DPP4: variants seen among roughly 807,000 people sequenced by gnomAD.
DPP4 encodes the protein ADCP-2.
A neutral mutation model predicts 122.4 loss-of-function variants in DPP4; 93 were observed. That is an observed-to-expected ratio of 0.76 (90% CI 0.64 to 0.90). The LOEUF is 0.90. Among genes scored for constraint, DPP4 ranks in the 40% least tolerant of loss-of-function variants. The probability of loss-of-function intolerance (pLI) is 0.00; values close to 1 mark genes in which losing one functional copy is unlikely to be tolerated. For synonymous variants in DPP4, 321 were observed against 302.9 expected, an observed-to-expected ratio of 1.06 and a Z score of -0.62; for missense variants, 914 against 907.3, an observed-to-expected ratio of 1.01 and a Z score of -0.09.
At chr2:162,068,441 T>C (rs1398903049) in intron 2 of DPP4, among the ~76,000 whole-genome samples, 1 of 152,210 alleles carries the variant, frequency 6.6e-6, no homozygotes, top group African/African-American at 2.4e-5. Flanking sequence ...CTTAACTTCT[T>C]TGATAGTCAT....
intron 2 of DPP4, among the ~76,000 whole-genome samples, chr2:162,050,867 T>G (rs1381616465): frequency 6.6e-6 from 1 of 152,252 alleles, no homozygotes; most frequent in Admixed American, 6.5e-5. Context: ...TCGTCTTCCT[T>G]GTCTACTTGC....
chr2:162,070,869 C>T (rs931522408), intron 2 of DPP4, among the ~76,000 whole-genome samples: 2 of 152,190 alleles, frequency 1.3e-5, no homozygotes, highest in African/African-American at 2.4e-5. Context: ...CAAGAAATTA[C>T]TAGAGTGGTA....
chr2:162,059,332 A>G (rs75623878), intron 2 of DPP4, among the ~76,000 whole-genome samples: 4,403 of 152,324 alleles, frequency 0.029, 115 homozygotes, highest in South Asian at 0.044. Context: ...TAATGGCCCA[A>G]ACTAATACGT....
At chr2:162,056,559 T>C (rs1684581538) in intron 2 of DPP4, among the ~76,000 whole-genome samples, 1 of 152,212 alleles carries the variant, frequency 6.6e-6, no homozygotes, top group South Asian at 2.1e-4. Context: ...CCATCTTGCC[T>C]CTAACCTCAC....
intron 8 of DPP4, among the ~76,000 whole-genome samples, chr2:162,037,768 G>T (rs1383471534): frequency 6.6e-6 from 1 of 152,012 alleles, no homozygotes; most frequent in Non-Finnish European, 1.5e-5. Flanking sequence ...AGTTTTATTA[G>T]TCACTTTTTC....
chr2:162,034,675 G>A (rs1262756350), intron 9 of DPP4, among the ~76,000 whole-genome samples: 3 of 152,090 alleles, frequency 2.0e-5, no homozygotes, highest in Non-Finnish European at 4.4e-5. Flanking sequence ...AAACCAAGAC[G>A]TGACACTATT....
At chr2:162,041,718 C>T (rs1683993732) in intron 5 of DPP4, among the ~76,000 whole-genome samples, 2 of 152,098 alleles carry the variant, frequency 1.3e-5, no homozygotes, top group Non-Finnish European at 2.9e-5. Flanking sequence ...GCATGACAAA[C>T]CACCATGGGT....
At chr2:162,042,896 A>G (rs1288408320) in intron 5 of DPP4, among the ~76,000 whole-genome samples, 1 of 152,162 alleles carries the variant, frequency 6.6e-6, no homozygotes, top group Non-Finnish European at 1.5e-5. Flanking sequence ...ACAGAGACTG[A>G]TTTGTGGGGT....
intron 3 of DPP4, 85 bp from the exon 4 acceptor site, chr2:162,047,091 C>G: frequency 1.4e-6 from 1 of 712,934 alleles, no homozygotes; most frequent in Non-Finnish European, 2.4e-6. Context: ...ACAGTTTAAG[C>G]TCACAAATAC....
intron 2 of DPP4, among the ~76,000 whole-genome samples, chr2:162,060,093 T>A (rs12618391): frequency 0.016 from 2,441 of 152,318 alleles, 29 homozygotes; most frequent in East Asian, 0.037. Context: ...CGCCAAAGCC[T>A]GTGGTTACAA....
intron 8 of DPP4, among the ~76,000 whole-genome samples, chr2:162,036,493 G>C (rs1374680129): frequency 6.6e-6 from 1 of 152,112 alleles, no homozygotes; most frequent in Non-Finnish European, 1.5e-5. Flanking sequence ...GCTTGAAGAG[G>C]ATCAGAAATT....
intron 10 of DPP4, among the ~76,000 whole-genome samples, chr2:162,028,903 T>A (rs192592250): frequency 2.8e-4 from 42 of 152,358 alleles, no homozygotes; most frequent in Admixed American, 2.5e-3. Context: ...CGGGATTCAA[T>A]TCAAGCTGTT....
chr2:162,004,585 G>GCACA (rs10647762), intron 23 of DPP4, among the ~76,000 whole-genome samples: 6,481 of 150,712 alleles, frequency 0.043, 195 homozygotes, highest in Non-Finnish European at 0.064. Flanking sequence ...ACAGCTCCCT[G>GCACA]CACACACACA....
intron 14 of DPP4, among the ~76,000 whole-genome samples, chr2:162,019,797 C>A (rs1405314274): frequency 6.6e-6 from 1 of 152,090 alleles, no homozygotes; most frequent in Non-Finnish European, 1.5e-5. Flanking sequence ...AAAATAACAC[C>A]CCCTTTTCTA....
chr2:162,044,477 C>T (rs28668403), intron 5 of DPP4, among the ~76,000 whole-genome samples: 15 of 148,540 alleles, frequency 1.0e-4, no homozygotes, highest in Non-Finnish European at 1.9e-4. Flanking sequence ...GGTGTGTGAG[C>T]GTTGGTGTGT....
At chr2:162,042,648 T>C (rs181938681) in intron 5 of DPP4, among the ~76,000 whole-genome samples, 3 of 151,512 alleles carry the variant, frequency 2.0e-5, no homozygotes, top group Admixed American at 2.0e-4. Flanking sequence ...AGAAAAGTAG[T>C]AGAAGATATA....
Position 162,011,944 on chromosome 2 carries a change from G to C in DPP4, c.1681C>G (p.Leu561Val). Reference sequence around the variant, plus strand: ...CTTGCAAGGTAAGTGGCCCAGTTCAGTCTGAAGACAGTGTCTGCTTTTTGA... The same window carrying C: ...CTTGCAAGGTAAGTGGCCCAGTTCACTCTGAAGACAGTGTCTGCTTTTTGA... The part of the protein sequence containing the change: ...CSQKADTVFR[L>V]NWATYLASTE... The change falls in exon 20 of 26, where the codon CTG (leucine) becomes GTG (valine). Residue 561 changes from leucine (L) to valine (V), a missense_variant. By Grantham distance (32) the Leu-to-Val change is conservative. Coordinates refer to ENST00000360534, the MANE Select transcript of DPP4 (RefSeq NM_001935.4). 1 of 1,613,680 alleles carries C rather than the reference G, an allele frequency of 6.2e-7. No individual in the cohort carries two copies. Among genetic ancestry groups the C allele is most frequent in the South Asian group, 1.1e-5 (1 of 91,042 alleles).
At chr2:162,011,105 G>A (rs954039886) in intron 20 of DPP4, among the ~76,000 whole-genome samples, 4 of 152,070 alleles carry the variant, frequency 2.6e-5, no homozygotes, top group African/African-American at 7.2e-5. Context: ...ACCTCTCGGG[G>A]CTTCAGCGAC....
intron 2 of DPP4, among the ~76,000 whole-genome samples, chr2:162,069,867 C>T (rs567666553): frequency 2.6e-5 from 4 of 151,904 alleles, no homozygotes; most frequent in Admixed American, 1.3e-4. Flanking sequence ...TCCTTTCCAC[C>T]GAAAGAAGGT....
Sources: gnomAD v4.1 joint callset for allele counts (sites outside exome capture counted in the v4.1 genomes callset) on GRCh38, gnomAD v4.1.1 for gene constraint, MANE v1.5 for transcripts, NCBI Gene and HGNC (gene_info 2026-07-23, HGNC 2026-07-21) for gene names.